The following FYB2 variants were observed in gnomAD, a reference collection of about 807,000 sequenced individuals.
The protein encoded by FYB2 is FYN binding protein 2, also known as FYN-binding protein 2.
FYB2 carries 103 observed loss-of-function variants against 94.1 expected under a neutral mutation model. The observed-to-expected ratio is 1.09, with a 90% CI of 0.93 to 1.29. FYB2 has a LOEUF of 1.29. Among genes scored for constraint, FYB2 ranks in the 50% most tolerant of loss-of-function variants. FYB2 has a pLI of 0.00. For missense variants in FYB2, 896 were observed against 841.5 expected (o/e 1.06, Z -0.80); for synonymous variants, 293 against 287.9 (o/e 1.02, Z -0.18).
intron 3 of FYB2, among the ~76,000 whole-genome samples, chr1:56,788,409 T>C (rs143454813): frequency 1.0e-3 from 154 of 151,586 alleles, no homozygotes; most frequent in African/African-American, 3.5e-3. Context: ...GTGGTGGGAG[T>C]GGTGAGGGAT....
At chr1:56,815,234 T>C (rs1184790644) in intron 1 of FYB2, among the ~76,000 whole-genome samples, 1 of 152,022 alleles carries the variant, frequency 6.6e-6, no homozygotes, top group Non-Finnish European at 1.5e-5. Context: ...CTTCTCCCCC[T>C]CCTTCACTCG....
intron 1 of FYB2, among the ~76,000 whole-genome samples, chr1:56,804,604 C>T (rs1330616913): frequency 1.3e-5 from 2 of 152,038 alleles, no homozygotes; most frequent in Non-Finnish European, 2.9e-5. Flanking sequence ...ACGGTACATG[C>T]ATGTAGTCCC....
intron 17 of FYB2, among the ~76,000 whole-genome samples, chr1:56,721,734 T>C (rs1430402778): frequency 6.6e-6 from 1 of 152,134 alleles, no homozygotes; most frequent in Non-Finnish European, 1.5e-5. Context: ...GAATACATGC[T>C]GTTTACTTGA....
chr1:56,786,570 A>G (rs1295348305), intron 4 of FYB2, among the ~76,000 whole-genome samples: 1 of 152,192 alleles, frequency 6.6e-6, no homozygotes, highest in Non-Finnish European at 1.5e-5. Context: ...GTTATGGCAC[A>G]TCTGGGTTGG....
intron 1 of FYB2, among the ~76,000 whole-genome samples, chr1:56,799,597 A>C (rs972447073): frequency 1.3e-5 from 2 of 152,204 alleles, no homozygotes; most frequent in Non-Finnish European, 2.9e-5. Context: ...TTTTGATTTA[A>C]TGTAATTTAA....
At chr1:56,793,940 T>G (rs1476309191) in intron 1 of FYB2, among the ~76,000 whole-genome samples, 2 of 152,150 alleles carry the variant, frequency 1.3e-5, no homozygotes, top group Non-Finnish European at 2.9e-5. Flanking sequence ...AGGGAAATAC[T>G]CTGAGAAACT....
chr1:56,748,284 C>T (rs989584139), intron 9 of FYB2, among the ~76,000 whole-genome samples: 2 of 152,034 alleles, frequency 1.3e-5, no homozygotes, highest in Non-Finnish European at 2.9e-5. Context: ...GCTGTTGTTG[C>T]AATTGCTTTT....
At chr1:56,787,612 G>A (rs947477660) in intron 3 of FYB2, among the ~76,000 whole-genome samples, 5 of 152,100 alleles carry the variant, frequency 3.3e-5, no homozygotes, top group East Asian at 1.9e-4. Flanking sequence ...AGCCCTTTCC[G>A]GGCATCATGT....
At chr1:56,779,737 T>C (rs908770782) in intron 4 of FYB2, among the ~76,000 whole-genome samples, 1 of 152,144 alleles carries the variant, frequency 6.6e-6, no homozygotes, top group Non-Finnish European at 1.5e-5. Flanking sequence ...CACTGTTTAC[T>C]AGGTCTTGTA....
intron 12 of FYB2, 110 bp from the exon 13 acceptor site, chr1:56,740,905 G>T: frequency 1.5e-6 from 1 of 655,612 alleles, no homozygotes; most frequent in Non-Finnish European, 2.5e-6. Flanking sequence ...GTAAGTGGGA[G>T]CTAAACAATA....
chr1:56,741,384 C>A (rs375092876), intron 12 of FYB2, among the ~76,000 whole-genome samples: 1 of 152,074 alleles, frequency 6.6e-6, no homozygotes, highest in East Asian at 1.9e-4. Context: ...GCTAGAAATA[C>A]GTTATAGAAA....
chr1:56,733,246 A>C (rs982218101), intron 15 of FYB2, among the ~76,000 whole-genome samples: 6 of 152,148 alleles, frequency 3.9e-5, no homozygotes, highest in African/African-American at 1.4e-4. Flanking sequence ...TTCTGATGGT[A>C]GTTTGTATTT....
At chr1:56,756,179 ATTG>A (rs1196771911) in intron 6 of FYB2, among the ~76,000 whole-genome samples, 3 of 152,144 alleles carry the variant, frequency 2.0e-5, no homozygotes, top group Non-Finnish European at 2.9e-5. Flanking sequence ...ACTCAGAAAA[ATTG>A]TTGTATGCAC....
At chr1:56,748,593 A>G (rs989423369) in intron 9 of FYB2, among the ~76,000 whole-genome samples, 8 of 151,818 alleles carry the variant, frequency 5.3e-5, no homozygotes, top group African/African-American at 1.9e-4. Flanking sequence ...TTTTAACGGT[A>G]TATTTTAATG....
chr1:56,733,037 G>A (rs1012104600), intron 15 of FYB2, among the ~76,000 whole-genome samples: 2 of 151,792 alleles, frequency 1.3e-5, no homozygotes, highest in African/African-American at 4.8e-5. Context: ...TCAACAGAGT[G>A]AAAAGACAAC....
Position 56,792,746 on chromosome 1 carries a change from G to A in FYB2, c.67C>T (p.Pro23Ser), listed in dbSNP as rs771200064. 6.2e-7 allele frequency: 1 copy of A among 1,613,988 alleles called. No individual in the cohort carries two copies. Among genetic ancestry groups the A allele is most frequent in the Admixed American group, 1.7e-5 (1 of 60,010 alleles). ...GGGAATTTAATAGGTCCTGGAAGAGGTGGAGCATCAAGATTTTGAAATTTG... is the reference window on the plus strand; with the variant it reads ...GGGAATTTAATAGGTCCTGGAAGAGATGGAGCATCAAGATTTTGAAATTTG... Reference protein sequence around the residue: ...RAKFQNLDAPPLPGPIKFPAG... With the variant: ...RAKFQNLDAPSLPGPIKFPAG... The change falls in exon 2 of 20, where the codon CCT becomes TCT. Residue 23 changes from proline (P) to serine (S), a missense_variant. Coordinates refer to ENST00000343433, the MANE Select transcript of FYB2 (RefSeq NM_001004303.5).
intron 15 of FYB2, among the ~76,000 whole-genome samples, chr1:56,732,800 C>T (rs1569885722): frequency 6.6e-6 from 1 of 151,978 alleles, no homozygotes; most frequent in Non-Finnish European, 1.5e-5. Context: ...ACTAGACCCC[C>T]CCACCCACCA....
Position 56,792,091 on chromosome 1 carries a change from G to C in FYB2, c.722C>G (p.Pro241Arg). 1 of 1,606,560 alleles carries C rather than the reference G, an allele frequency of 6.2e-7. No homozygotes were observed. The change falls in exon 2 of 20, where the codon CCC becomes CGC. Residue 241 changes from proline (P) to arginine (R), a missense_variant. Physicochemically the swap from Pro to Arg is moderately radical, Grantham distance 103 (BLOSUM62 -2). Transcript: ENST00000343433. ...ERSPASSPCQPIYECELASQA... is the reference protein window; with the variant it reads ...ERSPASSPCQRIYECELASQA... ...ACTGGCAAGCTCACACTCATAGATG[G>C]GCTGGCAGGGGCTGCTTGCCGGGCT...
At chr1:56,728,954 A>T (rs960413852) in intron 15 of FYB2, among the ~76,000 whole-genome samples, 1 of 152,164 alleles carries the variant, frequency 6.6e-6, no homozygotes, top group Non-Finnish European at 1.5e-5. Flanking sequence ...GAATGAATTG[A>T]TGAAGTTGGA....
Sources: allele counts gnomAD v4.1 joint callset (sites outside exome capture counted in the v4.1 genomes callset), GRCh38; gene constraint gnomAD v4.1.1; transcripts MANE v1.5; gene names NCBI Gene and HGNC (gene_info 2026-07-23, HGNC 2026-07-21).